Variants in SCAPER observed in about 807,000 individuals in gnomAD.
The protein encoded by SCAPER is S-phase cyclin A associated protein in the ER, also known as S phase cyclin A-associated protein in the endoplasmic reticulum.
In SCAPER, 98 loss-of-function variants were observed where a neutral mutation model predicts 182.2. The ratio of observed to expected loss-of-function variants is 0.54; its 90% CI spans 0.46 to 0.64. SCAPER has a LOEUF of 0.64. Among genes scored for constraint, SCAPER ranks in the 30% least tolerant of loss-of-function variants. SCAPER has a pLI of 0.00. For synonymous variants in SCAPER, 605 were observed against 564.6 expected, an observed-to-expected ratio of 1.07 and a Z score of -1.01; for missense variants, 1,432 against 1,690.0, an observed-to-expected ratio of 0.85 and a Z score of 2.68.
chr15:76,409,630 T>C (rs1208242878), intron 26 of SCAPER, among the ~76,000 whole-genome samples: 1 of 151,818 alleles, frequency 6.6e-6, no homozygotes, highest in East Asian at 1.9e-4. Flanking sequence ...AAAACTAAAA[T>C]GAGTTATTGT....
intron 20 of SCAPER, among the ~76,000 whole-genome samples, chr15:76,697,121 A>G (rs2147201547): frequency 6.6e-6 from 1 of 152,306 alleles, no homozygotes; most frequent in Non-Finnish European, 1.5e-5. Flanking sequence ...AAGGTCACAG[A>G]CAAGGTGTAT....
At chr15:76,868,351 T>G (rs1425456429) in intron 2 of SCAPER, among the ~76,000 whole-genome samples, 2 of 151,776 alleles carry the variant, frequency 1.3e-5, no homozygotes, top group African/African-American at 4.8e-5. Context: ...TATGATCGCA[T>G]CATTGCACTC....
chr15:76,618,502 A>G (rs1468614450), intron 22 of SCAPER, among the ~76,000 whole-genome samples: 2 of 152,200 alleles, frequency 1.3e-5, no homozygotes, highest in Admixed American at 6.5e-5. Flanking sequence ...GAATATTTAC[A>G]GCAAACTTAC....
At chr15:76,560,447 C>CCA (rs71143340) in intron 23 of SCAPER, among the ~76,000 whole-genome samples, 60,025 of 151,868 alleles carry the variant, frequency 0.4, 14,102 homozygotes, top group Middle Eastern at 0.55. Flanking sequence ...CATTTAATAG[C>CCA]CACACAATTC....
chr15:76,827,856 T>G (rs1047368255), intron 5 of SCAPER, among the ~76,000 whole-genome samples: 7 of 152,234 alleles, frequency 4.6e-5, no homozygotes, highest in African/African-American at 1.7e-4. Flanking sequence ...AACTAGGAAC[T>G]TATCCCAGTG....
At chr15:76,731,668 A>G (rs376160762) in intron 16 of SCAPER, among the ~76,000 whole-genome samples, 5 of 152,306 alleles carry the variant, frequency 3.3e-5, no homozygotes, top group African/African-American at 1.2e-4. Flanking sequence ...CTACCAGTGG[A>G]TTTTTCTGAC....
chr15:76,556,455 G>T (rs181691446), intron 23 of SCAPER, among the ~76,000 whole-genome samples: 58 of 152,152 alleles, frequency 3.8e-4, no homozygotes, highest in Non-Finnish European at 7.8e-4. Flanking sequence ...TTCTTTAAAA[G>T]AAAAAATACA....
chr15:76,764,001 G>GT (rs907928019), intron 14 of SCAPER, among the ~76,000 whole-genome samples: 162 of 151,992 alleles, frequency 1.1e-3, no homozygotes, highest in African/African-American at 3.7e-3. Flanking sequence ...TCTCTTGGTG[G>GT]TATCAAGTTT....
intron 22 of SCAPER, among the ~76,000 whole-genome samples, chr15:76,578,312 G>C (rs527485635): frequency 6.6e-6 from 1 of 152,256 alleles, no homozygotes; most frequent in African/African-American, 2.4e-5. Flanking sequence ...AGCCTGGCGG[G>C]TTTTGCTACC....
At chr15:76,470,460 T>G (rs554307573) in intron 25 of SCAPER, among the ~76,000 whole-genome samples, 1 of 152,186 alleles carries the variant, frequency 6.6e-6, no homozygotes, top group African/African-American at 2.4e-5. Flanking sequence ...ATAGAGGCAA[T>G]AGCTTGTAGT....
intron 16 of SCAPER, among the ~76,000 whole-genome samples, chr15:76,731,449 T>C (rs551230333): frequency 1.3e-4 from 20 of 152,226 alleles, no homozygotes; most frequent in Non-Finnish European, 2.5e-4. Flanking sequence ...CAGCACTTGG[T>C]ATTTTACTTA....
intron 20 of SCAPER, among the ~76,000 whole-genome samples, chr15:76,672,256 T>A (rs978461144): frequency 6.6e-6 from 1 of 152,158 alleles, no homozygotes; most frequent in Non-Finnish European, 1.5e-5. Flanking sequence ...AGAATGGCTA[T>A]CCTAAAACAT....
At chr15:76,742,826 A>G (rs1208778710) in intron 15 of SCAPER, among the ~76,000 whole-genome samples, 1 of 152,082 alleles carries the variant, frequency 6.6e-6, no homozygotes, top group African/African-American at 2.4e-5. Context: ...GGTCTCAAGG[A>G]AAGTACACTT....
chr15:76,679,110 T>A (rs2057535742), intron 20 of SCAPER, among the ~76,000 whole-genome samples: 1 of 152,142 alleles, frequency 6.6e-6, no homozygotes, highest in South Asian at 2.1e-4. Context: ...AAATAAAGTA[T>A]CCACAGACAG....
At position 76,603,272 on chromosome 15, in the gene SCAPER, G is replaced by C. The variant is rs1265229934; in HGVS notation, c.2711+18492C>G. Among the ~76,000 whole-genome samples the C allele has an allele frequency of 4.2e-5, 5 of 118,852 alleles. 1 individual carries two copies. Among genetic ancestry groups the C allele is most frequent in the African/African-American group, 1.3e-4 (5 of 39,204 alleles). 78.0% of individuals were successfully genotyped at this position (118,852 alleles called of 152,430 possible). Reference sequence around the variant, plus strand: ...CATTGTTCAATTCCCACCTATGAGCGAGAACATGCGGTGTTTTTTTGTCCT... The same window carrying C: ...CATTGTTCAATTCCCACCTATGAGCCAGAACATGCGGTGTTTTTTTGTCCT... On this transcript the variant is annotated intron_variant, in intron 22 of 31. Transcript: ENST00000563290.
At chr15:76,400,704 T>C (rs2044396887) in intron 27 of SCAPER, among the ~76,000 whole-genome samples, 1 of 152,178 alleles carries the variant, frequency 6.6e-6, no homozygotes, top group Non-Finnish European at 1.5e-5. Context: ...GGAAACCACC[T>C]GGACCTTCTT....
intron 8 of SCAPER, among the ~76,000 whole-genome samples, chr15:76,790,099 C>A (rs910236929): frequency 6.6e-6 from 1 of 151,866 alleles, no homozygotes; most frequent in Non-Finnish European, 1.5e-5. Flanking sequence ...GGCGTGGTGG[C>A]GGGCGCCTGT....
rs2046876933 is a variant in SCAPER, at chr15:76,431,696, A to AAAAAAAAAAAAAAAAAAAAAAAAG, written c.3311+2381_3311+2382insCTTTTTTTTTTTTTTTTTTTTTTT. 1.3e-5 allele frequency among the ~76,000 whole-genome samples: 2 copies of AAAAAAAAAAAAAAAAAAAAAAAAG among 148,678 alleles called. 1 individual carries two copies. The highest frequency in any genetic ancestry group is 3.0e-5 in the Non-Finnish European group (2 of 67,768). On this transcript the variant is annotated intron_variant, in intron 26 of 31. Transcript: ENST00000563290. ...ATTAGCAAAAAAAAAAAAAAAAAAA[A>AAAAAAAAAAAAAAAAAAAAAAAAG]AAAAAAAATGCTTTGTTTGCTAAAC...
At chr15:76,644,713 T>C (rs1269290428) in intron 21 of SCAPER, among the ~76,000 whole-genome samples, 3 of 152,128 alleles carry the variant, frequency 2.0e-5, no homozygotes, top group Non-Finnish European at 4.4e-5. Context: ...CTGAGCACAG[T>C]CCTACTTTAA....
Sources: gnomAD v4.1 joint callset for allele counts (sites outside exome capture counted in the v4.1 genomes callset) on GRCh38, gnomAD v4.1.1 for gene constraint, MANE v1.5 for transcripts, NCBI Gene and HGNC (gene_info 2026-07-23, HGNC 2026-07-21) for gene names.